ENAH: variants seen among roughly 807,000 people sequenced by gnomAD.
The protein encoded by ENAH is ENAH actin regulator, also known as protein enabled homolog.
ENAH carries 23 observed loss-of-function variants against 78.7 expected under a neutral mutation model. The observed-to-expected ratio is 0.29, with a 90% confidence interval of 0.21 to 0.41. The LOEUF (loss-of-function observed/expected upper bound fraction) is 0.41. Ranked by LOEUF, ENAH falls within the 10% of genes least tolerant of loss-of-function variation. The probability of loss-of-function intolerance (pLI) is 1.00; values close to 1 mark genes in which losing one functional copy is unlikely to be tolerated. For synonymous variants in ENAH, 226 were observed against 241.0 expected, an observed-to-expected ratio of 0.94 and a Z score of 0.58; for missense variants, 544 against 691.0, an observed-to-expected ratio of 0.79 and a Z score of 2.39.
chr1:225,594,607 T>C (rs984465747), intron 1 of ENAH, among the ~76,000 whole-genome samples: 1 of 152,166 alleles, frequency 6.6e-6, no homozygotes, highest in African/African-American at 2.4e-5. Flanking sequence ...CACTTACCAG[T>C]GTAGAGAACT....
chr1:225,537,656 C>T (rs2096568234), intron 3 of ENAH, among the ~76,000 whole-genome samples: 1 of 151,800 alleles, frequency 6.6e-6, no homozygotes, highest in Non-Finnish European at 1.5e-5. Context: ...AACACTAGCA[C>T]TGATGTTACA....
At position 225,493,742 on chromosome 1, in the gene ENAH, T is replaced by C. The variant is rs1354996587; in HGVS notation, c.*4033A>G. 1 of 152,196 alleles carries C rather than the reference T, an allele frequency of 6.6e-6. No individual in the cohort carries two copies. Among genetic ancestry groups the C allele is most frequent in the East Asian group, 1.9e-4 (1 of 5,198 alleles). 9.4% of individuals were successfully genotyped at this position (152,196 alleles called of 1,614,324 possible). ...GATGTTTGCTTTATATAGTTACTTT[T>C]ACGCTGCTTATAATCGGTAGAATTT... is the stretch of plus-strand genomic sequence containing the variant. On this transcript the variant is annotated 3_prime_UTR_variant, in exon 14 of 14. Coordinates refer to ENST00000366843, the MANE Select transcript of ENAH (RefSeq NM_018212.6).
intron 2 of ENAH, among the ~76,000 whole-genome samples, chr1:225,556,047 G>A (rs544058684): frequency 6.2e-4 from 94 of 152,166 alleles, no homozygotes; most frequent in African/African-American, 2.1e-3. Context: ...ATGCAGCTGT[G>A]GTTTGTTCAT....
chr1:225,647,664 A>G (rs143914961), intron 1 of ENAH, among the ~76,000 whole-genome samples: 304 of 152,356 alleles, frequency 2.0e-3, no homozygotes, highest in African/African-American at 7.0e-3. Context: ...TGTTATTAAC[A>G]TTTAGTATCC....
chr1:225,583,613 C>A (rs924839917), intron 1 of ENAH, among the ~76,000 whole-genome samples: 10 of 151,274 alleles, frequency 6.6e-5, no homozygotes, highest in Non-Finnish European at 7.4e-5. Context: ...GAGTTCATGA[C>A]CAGCCTAACA....
intron 12 of ENAH, 100 bp from the exon 13 acceptor site, chr1:225,498,504 A>G: frequency 1.4e-6 from 1 of 736,412 alleles, no homozygotes; most frequent in Non-Finnish European, 2.2e-6. Context: ...TATGATGTGT[A>G]GTTTTTTTTG....
Position 225,491,070 on chromosome 1 carries a change from A to T in ENAH, c.*6705T>A, listed in dbSNP as rs921969368. 1.3e-5 allele frequency: 2 copies of T among 152,248 alleles called. No individual in the cohort carries two copies. Among genetic ancestry groups the T allele is most frequent in the African/African-American group, 4.8e-5 (2 of 41,460 alleles). 9.4% of individuals were successfully genotyped at this position (152,248 alleles called of 1,614,324 possible). On this transcript the variant is annotated 3_prime_UTR_variant, in exon 14 of 14. Transcript: ENST00000366843. ...GCCCAGTGCCTCGGTCAGCAGAACC[A>T]ACCAAGTGACACCTGAGATCAACTG... is the stretch of plus-strand genomic sequence containing the variant.
chr1:225,558,823 C>T (rs962771436), intron 2 of ENAH, among the ~76,000 whole-genome samples: 33 of 151,992 alleles, frequency 2.2e-4, no homozygotes, highest in African/African-American at 8.0e-4. Context: ...TTAGTAGAGA[C>T]AGAGTTTCAC....
intron 1 of ENAH, among the ~76,000 whole-genome samples, chr1:225,594,944 CACAG>C (rs1408751081): frequency 5.3e-5 from 8 of 152,114 alleles, no homozygotes; most frequent in African/African-American, 1.4e-4. Flanking sequence ...ATACAGAAAA[CACAG>C]ACAGTATCAG....
chr1:225,519,679 A>G, intron 4 of ENAH, 114 bp from the exon 5 acceptor site: 1 of 1,439,274 alleles, frequency 6.9e-7, no homozygotes, highest in Non-Finnish European at 9.3e-7. Flanking sequence ...AATGTAGAGC[A>G]TGCAAACATC....
chr1:225,521,215 ATT>A (rs1159326982), intron 4 of ENAH, among the ~76,000 whole-genome samples: 7 of 152,148 alleles, frequency 4.6e-5, no homozygotes, highest in Non-Finnish European at 7.4e-5. Flanking sequence ...CTGCAATAAC[ATT>A]TGTCTTCATC....
At chr1:225,613,416 C>A (rs904777283) in intron 1 of ENAH, among the ~76,000 whole-genome samples, 3 of 152,204 alleles carry the variant, frequency 2.0e-5, no homozygotes, top group Non-Finnish European at 2.9e-5. Flanking sequence ...TTCCCCAGGG[C>A]AGAGAACAGT....
chr1:225,596,785 G>A (rs1182975363), intron 1 of ENAH, among the ~76,000 whole-genome samples: 1 of 152,158 alleles, frequency 6.6e-6, no homozygotes, highest in African/African-American at 2.4e-5. Context: ...AGGCAACACA[G>A]GTACAACTTG....
chr1:225,532,503 A>G (rs2096542839), intron 3 of ENAH, among the ~76,000 whole-genome samples: 1 of 152,114 alleles, frequency 6.6e-6, no homozygotes, highest in African/African-American at 2.4e-5. Context: ...CACACCTAGG[A>G]CAGGTGTTAT....
At chr1:225,623,111 G>A (rs1219589822) in intron 1 of ENAH, among the ~76,000 whole-genome samples, 1 of 152,178 alleles carries the variant, frequency 6.6e-6, no homozygotes. Context: ...AAGGCAGATA[G>A]AATTTTTCAA....
In ENAH at chr1:225,493,388, T is replaced by C. The variant is rs983821433; in HGVS notation, c.*4387A>G. ...TACTATGTCTTTACATAGCCAAAGC[T>C]ACCTACATCAATTTCATTCCTTCAG... On this transcript the variant is annotated 3_prime_UTR_variant, in exon 14 of 14. Transcript: ENST00000366843. 6.6e-6 allele frequency: 1 copy of C among 152,228 alleles called. No homozygotes were observed. The highest frequency in any genetic ancestry group is 2.4e-5 in the African/African-American group (1 of 41,458). 9.4% of individuals were successfully genotyped at this position (152,228 alleles called of 1,614,324 possible). A position where few individuals can be genotyped will look rare whatever the true frequency, so the allele number is the denominator to read the frequency against.
At chr1:225,628,927 G>A (rs1176066197) in intron 1 of ENAH, among the ~76,000 whole-genome samples, 1 of 151,542 alleles carries the variant, frequency 6.6e-6, no homozygotes, top group Non-Finnish European at 1.5e-5. Context: ...AAAAAAGATG[G>A]TGCAACTGTG....
At chr1:225,503,086 T>A (rs1367955479) in intron 11 of ENAH, among the ~76,000 whole-genome samples, 1 of 152,204 alleles carries the variant, frequency 6.6e-6, no homozygotes, top group African/African-American at 2.4e-5. Flanking sequence ...TGCAAATTTT[T>A]AAAAATTTAA....
intron 1 of ENAH, among the ~76,000 whole-genome samples, chr1:225,643,876 G>T (rs568800296): frequency 8.5e-5 from 13 of 152,132 alleles, no homozygotes; most frequent in Non-Finnish European, 1.8e-4. Context: ...GTTCGAGGCT[G>T]CAGTAAGCTA....
Sources: allele counts gnomAD v4.1 joint callset (sites outside exome capture counted in the v4.1 genomes callset), GRCh38; gene constraint gnomAD v4.1.1; transcripts MANE v1.5; gene names NCBI Gene and HGNC (gene_info 2026-07-23, HGNC 2026-07-21).